OSBPL10: variants seen among roughly 807,000 people sequenced by gnomAD.
OSBPL10 encodes oxysterol binding protein like 10.
Under a neutral mutation model 81.7 loss-of-function variants are expected in OSBPL10, and 49 were observed. The ratio of observed to expected loss-of-function variants is 0.60; its 90% confidence interval spans 0.48 to 0.76. The LOEUF (loss-of-function observed/expected upper bound fraction) is 0.76. Among genes scored for constraint, OSBPL10 ranks in the 30% least tolerant of loss-of-function variants. OSBPL10 has a pLI of 0.00. For missense variants in OSBPL10, 923 were observed against 987.8 expected (o/e 0.93, Z 0.88); for synonymous variants, 419 against 383.6 (o/e 1.09, Z -1.08).
intron 2 of OSBPL10, among the ~76,000 whole-genome samples, chr3:32,041,210 A>G (rs1238299102): frequency 1.3e-5 from 2 of 152,220 alleles, no homozygotes; most frequent in Non-Finnish European, 2.9e-5. Flanking sequence ...GGCAGAGATT[A>G]CCCAGAACTG....
chr3:32,026,281 C>A (rs753800829), intron 2 of OSBPL10, among the ~76,000 whole-genome samples: 2 of 152,084 alleles, frequency 1.3e-5, no homozygotes, highest in Non-Finnish European at 2.9e-5. Flanking sequence ...GGACTACAGA[C>A]ATGAGCCACC....
At chr3:31,738,200 T>C (rs11129461) in intron 5 of OSBPL10, among the ~76,000 whole-genome samples, 48,636 of 151,840 alleles carry the variant, frequency 0.32, 9,651 homozygotes, top group East Asian at 0.69. Context: ...GGGAAAAAAA[T>C]GCACATCTAG....
At chr3:31,892,806 G>A (rs1393485961) in intron 1 of OSBPL10, among the ~76,000 whole-genome samples, 1 of 152,220 alleles carries the variant, frequency 6.6e-6, no homozygotes, top group Non-Finnish European at 1.5e-5. Context: ...GGGAAGACCA[G>A]GGGCTCCACT....
intron 1 of OSBPL10, among the ~76,000 whole-genome samples, chr3:31,977,365 C>G (rs1031301642): frequency 2.6e-5 from 4 of 152,194 alleles, no homozygotes; most frequent in African/African-American, 9.7e-5. Flanking sequence ...CCTAACTGGT[C>G]TCCCTGCTTC....
intron 7 of OSBPL10, among the ~76,000 whole-genome samples, chr3:31,695,897 G>A (rs1695707956): frequency 6.6e-6 from 1 of 152,128 alleles, no homozygotes; most frequent in Non-Finnish European, 1.5e-5. Flanking sequence ...AATCATAATA[G>A]CAAACACAGC....
chr3:31,677,325 A>T (rs943833414), intron 8 of OSBPL10, among the ~76,000 whole-genome samples: 1 of 152,164 alleles, frequency 6.6e-6, no homozygotes, highest in Non-Finnish European at 1.5e-5. Context: ...TAATTAATAC[A>T]AAAGATAAGG....
intron 4 of OSBPL10, among the ~76,000 whole-genome samples, chr3:31,770,647 A>G (rs978897948): frequency 1.3e-5 from 2 of 152,130 alleles, no homozygotes; most frequent in African/African-American, 2.4e-5. Context: ...TTAGCCGGGC[A>G]TGGAGGTGCA....
Position 31,905,345 on chromosome 3 carries a change from A to ATTTTTTTTTTTTTTTTTTTTTTT in OSBPL10, c.282-25538_282-25516dup, listed in dbSNP as rs386396290. ...GAGCTCTATGTCAAGGAACCTGGTG[A>ATTTTTTTTTTTTTTTTTTTTTTT]TTTTTTTTTTTTTTTTTTTTTTTAG... On this transcript the variant is annotated intron_variant, in intron 1 of 11. Transcript: ENST00000396556. Among the ~76,000 whole-genome samples, 74 of 94,806 alleles carry ATTTTTTTTTTTTTTTTTTTTTTT rather than the reference A, an allele frequency of 7.8e-4. 9 individuals carry two copies. Among genetic ancestry groups the ATTTTTTTTTTTTTTTTTTTTTTT allele is most frequent in the East Asian group, 5.4e-3 (14 of 2,584 alleles). 62.2% of individuals were successfully genotyped at this position (94,806 alleles called of 152,430 possible).
chr3:32,015,213 A>AACCAAAACAGCATGGTACTGGT (rs1699301932), intron 2 of OSBPL10, among the ~76,000 whole-genome samples: 1 of 152,176 alleles, frequency 6.6e-6, no homozygotes, highest in African/African-American at 2.4e-5. Flanking sequence ...AGGCTACAGT[A>AACCAAAACAGCATGGTACTGGT]ACCAAAACAG....
intron 7 of OSBPL10, among the ~76,000 whole-genome samples, chr3:31,696,255 C>T (rs1695717600): frequency 6.6e-6 from 1 of 152,150 alleles, no homozygotes; most frequent in Non-Finnish European, 1.5e-5. Flanking sequence ...TTCCTGCACT[C>T]ATCTGCTTCC....
At chr3:31,851,395 C>A (rs376063091) in intron 3 of OSBPL10, among the ~76,000 whole-genome samples, 1 of 152,312 alleles carries the variant, frequency 6.6e-6, no homozygotes, top group African/African-American at 2.4e-5. Flanking sequence ...CATCATCTAC[C>A]TTTGATGAGC....
At chr3:31,872,444 T>C (rs1449538610) in intron 3 of OSBPL10, among the ~76,000 whole-genome samples, 2 of 142,424 alleles carry the variant, frequency 1.4e-5, no homozygotes, top group African/African-American at 3.0e-5. Context: ...TGTTTTGTTT[T>C]TGTTGTTGTT....
chr3:32,002,702 A>C (rs113223099), intron 2 of OSBPL10, among the ~76,000 whole-genome samples: 7 of 152,366 alleles, frequency 4.6e-5, no homozygotes, highest in African/African-American at 1.7e-4. Flanking sequence ...AAGATTTTAG[A>C]GAAAAAAGGT....
At chr3:31,950,062 G>A (rs929330914) in intron 1 of OSBPL10, among the ~76,000 whole-genome samples, 2 of 152,190 alleles carry the variant, frequency 1.3e-5, no homozygotes, top group South Asian at 2.1e-4. Context: ...AAAAGGGCCT[G>A]TCAGGAGGGA....
In OSBPL10 at chr3:31,779,004, GACAA is replaced by G. The variant is rs529023591; in HGVS notation, c.730-30888_730-30885del. On this transcript the variant is annotated intron_variant, in intron 4 of 11. Coordinates refer to ENST00000396556, the MANE Select transcript of OSBPL10 (RefSeq NM_017784.5). The stretch of plus-strand genomic sequence containing the variant: ...TGAAGGAGAGATAAAGTCTTTCTCA[GACAA>G]ACAAATGCTGAGAGAATTCACCACC... 1.8e-3 allele frequency among the ~76,000 whole-genome samples: 268 copies of G among 152,162 alleles called. 1 individual carries two copies. Among genetic ancestry groups the G allele is most frequent in the African/African-American group, 6.3e-3 (261 of 41,516 alleles).
At chr3:31,878,045 T>C (rs556334892) in intron 2 of OSBPL10, among the ~76,000 whole-genome samples, 1 of 152,268 alleles carries the variant, frequency 6.6e-6, no homozygotes, top group East Asian at 1.9e-4. Flanking sequence ...GGACAAGCCA[T>C]AAACATGCAG....
chr3:32,026,988 A>C lies in OSBPL10; in HGVS notation n.298+19503T>G, dbSNP rs533206089. Among the ~76,000 whole-genome samples the C allele has an allele frequency of 3.3e-5, 5 of 152,356 alleles. No individual in the cohort carries two copies. The South Asian group carries it at 1.0e-3, about 32-fold the overall frequency. On this transcript the variant is annotated intron_variant and non_coding_transcript_variant, in intron 2 of 3. Transcript: ENST00000479173. ...ATGCTAGGACCCTAGCTTGCTAAAT[A>C]ACAGCCGTGGCCAGTGGAGGAGTCA...
intron 4 of OSBPL10, among the ~76,000 whole-genome samples, chr3:31,758,107 A>C (rs1697937414): frequency 6.6e-6 from 1 of 152,194 alleles, no homozygotes; most frequent in African/African-American, 2.4e-5. Flanking sequence ...CTTTTCCTGG[A>C]TACCTCCCCA....
At chr3:31,788,222 T>C (rs115252176) in intron 4 of OSBPL10, among the ~76,000 whole-genome samples, 1 of 152,226 alleles carries the variant, frequency 6.6e-6, no homozygotes, top group Non-Finnish European at 1.5e-5. Flanking sequence ...TTTCTAGAAC[T>C]ATCAACATGA....
Sources: gnomAD v4.1 joint callset for allele counts (sites outside exome capture counted in the v4.1 genomes callset) on GRCh38, gnomAD v4.1.1 for gene constraint, MANE v1.5 for transcripts, NCBI Gene and HGNC (gene_info 2026-07-23, HGNC 2026-07-21) for gene names.